The following WDR7 variants were observed in gnomAD, a reference collection of about 807,000 sequenced individuals.
The protein encoded by WDR7 is WD repeat-containing protein 7.
A neutral mutation model predicts 169.4 loss-of-function variants in WDR7; 46 were observed. That is an observed-to-expected ratio of 0.27 (90% CI 0.21 to 0.35). WDR7 has a LOEUF of 0.35. WDR7 is among the 10% of genes least tolerant of loss of function. The pLI is 1.00. For missense variants in WDR7, 1,534 were observed against 1,859.3 expected (o/e 0.83, Z 3.22); for synonymous variants, 612 against 666.8 (o/e 0.92, Z 1.27).
At chr18:56,959,139 G>C (rs1033888738) in intron 25 of WDR7, among the ~76,000 whole-genome samples, 9 of 152,026 alleles carry the variant, frequency 5.9e-5, no homozygotes, top group Admixed American at 2.0e-4. Flanking sequence ...GTGAGGGCAC[G>C]AGCAATGGCA....
intron 13 of WDR7, among the ~76,000 whole-genome samples, chr18:56,719,682 G>A (rs1178791771): frequency 6.6e-6 from 1 of 151,318 alleles, no homozygotes; most frequent in Non-Finnish European, 1.5e-5. Flanking sequence ...TTCTTTTTTG[G>A]TCCACTTCAT....
chr18:56,665,189 A>C (rs1423684345), intron 1 of WDR7, among the ~76,000 whole-genome samples: 1 of 151,688 alleles, frequency 6.6e-6, no homozygotes, highest in Non-Finnish European at 1.5e-5. Flanking sequence ...GCTACTCAGG[A>C]GGCTGGGGCA....
intron 14 of WDR7, among the ~76,000 whole-genome samples, chr18:56,733,232 GA>G (rs1183991423): frequency 6.6e-6 from 1 of 152,148 alleles, no homozygotes; most frequent in Non-Finnish European, 1.5e-5. Flanking sequence ...TTATAGAAGG[GA>G]GGAAAAAGGC....
intron 12 of WDR7, among the ~76,000 whole-genome samples, chr18:56,712,751 A>AT: frequency 6.6e-6 from 1 of 152,208 alleles, no homozygotes; most frequent in South Asian, 2.1e-4. Context: ...TTTAAGGGGA[A>AT]TTTTATGTTT....
At chr18:56,936,664 T>A (rs2046964975) in intron 23 of WDR7, among the ~76,000 whole-genome samples, 1 of 152,214 alleles carries the variant, frequency 6.6e-6, no homozygotes, top group African/African-American at 2.4e-5. Context: ...CTACTGGGCC[T>A]ATGTCTGCCC....
intron 1 of WDR7, among the ~76,000 whole-genome samples, chr18:56,665,117 AC>A (rs2024989097): frequency 6.6e-6 from 1 of 152,062 alleles, no homozygotes; most frequent in African/African-American, 2.4e-5. Context: ...ACATGGCAAA[AC>A]CCCGTCTCTG....
At chr18:56,776,248 A>G (rs2044241600) in intron 16 of WDR7, among the ~76,000 whole-genome samples, 1 of 152,062 alleles carries the variant, frequency 6.6e-6, no homozygotes. Flanking sequence ...AACATGGTAT[A>G]TATATTCTTT....
intron 13 of WDR7, 147 bp from the exon 14 acceptor site, chr18:56,731,236 A>G (rs927211423): frequency 1.6e-5 from 12 of 757,076 alleles, no homozygotes; most frequent in South Asian, 1.5e-4. Flanking sequence ...GAAGATTGTT[A>G]GAGGAAGGAA....
chr18:57,015,435 A>G (rs2145925685), intron 26 of WDR7, among the ~76,000 whole-genome samples: 1 of 152,338 alleles, frequency 6.6e-6, no homozygotes, highest in East Asian at 1.9e-4. Flanking sequence ...CTTGGGAGAA[A>G]AGAAGGGGGA....
At chr18:56,698,523 G>A (rs976192010) in intron 12 of WDR7, among the ~76,000 whole-genome samples, 4 of 151,224 alleles carry the variant, frequency 2.6e-5, no homozygotes, top group East Asian at 3.9e-4. Flanking sequence ...GGAGAATGGC[G>A]TGAACCCAGG....
intron 12 of WDR7, among the ~76,000 whole-genome samples, chr18:56,703,641 T>C (rs1318396968): frequency 2.6e-5 from 4 of 152,120 alleles, no homozygotes; most frequent in Admixed American, 2.6e-4. Context: ...GCACCATCTT[T>C]TTGATATTAA....
At chr18:56,672,746 A>G (rs566956) in intron 2 of WDR7, 72 bp downstream of exon 2, 1,339,209 of 1,362,702 alleles carry the variant, frequency 0.98, 660,754 homozygotes, top group East Asian at 1. Context: ...TATAGTCCCC[A>G]AATGATGCTT....
At chr18:56,951,760 A>G (rs1358697904) in intron 25 of WDR7, among the ~76,000 whole-genome samples, 1 of 152,124 alleles carries the variant, frequency 6.6e-6, no homozygotes, top group East Asian at 1.9e-4. Flanking sequence ...CACTATGTAT[A>G]TAGTCTGCTT....
At chr18:56,953,702 G>C (rs1217813630) in intron 25 of WDR7, among the ~76,000 whole-genome samples, 1 of 152,204 alleles carries the variant, frequency 6.6e-6, no homozygotes, top group African/African-American at 2.4e-5. Flanking sequence ...CATGATAAGA[G>C]GGACACAAAG....
intron 26 of WDR7, among the ~76,000 whole-genome samples, chr18:57,005,277 TCTTC>T (rs548899451): frequency 6.6e-6 from 1 of 152,304 alleles, no homozygotes; most frequent in African/African-American, 2.4e-5. Flanking sequence ...TTGTTAATAA[TCTTC>T]CTTTTTTAAA....
At chr18:56,745,606 G>T (rs1176062178) in intron 14 of WDR7, among the ~76,000 whole-genome samples, 1 of 152,138 alleles carries the variant, frequency 6.6e-6, no homozygotes, top group East Asian at 1.9e-4. Flanking sequence ...AGGTGGTAAT[G>T]CTCACTTGCC....
intron 19 of WDR7, among the ~76,000 whole-genome samples, chr18:56,795,219 A>C (rs967202469): frequency 6.6e-6 from 1 of 152,146 alleles, no homozygotes; most frequent in African/African-American, 2.4e-5. Context: ...TTGACTCCTG[A>C]ATCCTTTTGA....
At chr18:56,673,542 G>A (rs1344745326) in intron 2 of WDR7, among the ~76,000 whole-genome samples, 2 of 151,942 alleles carry the variant, frequency 1.3e-5, no homozygotes, top group Non-Finnish European at 2.9e-5. Flanking sequence ...CCCTTTAAAT[G>A]TCCCTCCTGG....
chr18:56,947,702 A>G (rs1283164585), intron 25 of WDR7, among the ~76,000 whole-genome samples: 1 of 152,220 alleles, frequency 6.6e-6, no homozygotes, highest in Non-Finnish European at 1.5e-5. Flanking sequence ...GTGTTACACT[A>G]CTTAGTGTGC....
Sources: gnomAD v4.1 joint callset for allele counts (sites outside exome capture counted in the v4.1 genomes callset) on GRCh38, gnomAD v4.1.1 for gene constraint, MANE v1.5 for transcripts, NCBI Gene and HGNC (gene_info 2026-07-23, HGNC 2026-07-21) for gene names.